Variants in CHST11 observed in about 807,000 individuals in gnomAD.
CHST11 encodes the protein carbohydrate sulfotransferase 11.
In CHST11, 9 loss-of-function variants were observed where a neutral mutation model predicts 30.4. That is an observed-to-expected ratio of 0.30 (90% CI 0.18 to 0.52). CHST11 has a LOEUF of 0.52. Among genes scored for constraint, CHST11 ranks in the 20% least tolerant of loss-of-function variants. CHST11 has a pLI of 0.97. For missense variants in CHST11, 348 were observed against 460.6 expected (o/e 0.76, Z 2.24); for synonymous variants, 152 against 187.8 (o/e 0.81, Z 1.56).
chr12:104,546,959 TTGCAG>T (rs1227508561), intron 1 of CHST11, among the ~76,000 whole-genome samples: 1 of 152,216 alleles, frequency 6.6e-6, no homozygotes, highest in Non-Finnish European at 1.5e-5. Context: ...AAGACTGTCT[TTGCAG>T]TGCAGGATTT....
chr12:104,480,188 G>C (rs181308360), intron 1 of CHST11, among the ~76,000 whole-genome samples: 2 of 152,218 alleles, frequency 1.3e-5, no homozygotes, highest in African/African-American at 4.8e-5. Context: ...GCACTGAGTT[G>C]ATAGTGTCCC....
intron 1 of CHST11, among the ~76,000 whole-genome samples, chr12:104,558,696 G>A (rs756031998): frequency 3.3e-5 from 5 of 151,744 alleles, no homozygotes; most frequent in African/African-American, 4.8e-5. Flanking sequence ...GTGCCACCAC[G>A]CCCAGCTAAT....
At chr12:104,544,162 G>GA (rs1410590735) in intron 1 of CHST11, among the ~76,000 whole-genome samples, 3 of 32,030 alleles carry the variant, frequency 9.4e-5, no homozygotes, top group African/African-American at 2.2e-4. Flanking sequence ...AAGAAAGAAA[G>GA]AAAGAAAGAA....
chr12:104,523,609 A>AG (rs2038094810), intron 1 of CHST11, among the ~76,000 whole-genome samples: 2 of 152,204 alleles, frequency 1.3e-5, no homozygotes, highest in African/African-American at 4.8e-5. Context: ...TGTGAAATGG[A>AG]GTGCTCACAT....
At chr12:104,469,275 T>C (rs17035643) in intron 1 of CHST11, among the ~76,000 whole-genome samples, 4,795 of 152,318 alleles carry the variant, frequency 0.031, 236 homozygotes, top group African/African-American at 0.11. Context: ...AGGCCAAAAC[T>C]GTGTAGCAAT....
At chr12:104,476,193 AAC>A (rs1358239800) in intron 1 of CHST11, among the ~76,000 whole-genome samples, 6 of 143,554 alleles carry the variant, frequency 4.2e-5, no homozygotes, top group African/African-American at 1.3e-4. Flanking sequence ...AATTATAATA[AAC>A]ACATGCAAAA....
chr12:104,577,021 G>A (rs1188088489), intron 1 of CHST11, among the ~76,000 whole-genome samples: 1 of 143,000 alleles, frequency 7.0e-6, no homozygotes, highest in Non-Finnish European at 1.5e-5. Context: ...CTGGACCTCG[G>A]TACTAAGACT....
chr12:104,528,716 CT>C (rs1323506144), intron 1 of CHST11, among the ~76,000 whole-genome samples: 1 of 152,154 alleles, frequency 6.6e-6, no homozygotes, highest in Non-Finnish European at 1.5e-5. Flanking sequence ...TTTAAATTCA[CT>C]TTTTGCTCTA....
intron 1 of CHST11, among the ~76,000 whole-genome samples, chr12:104,531,479 A>AAAAAAAG (rs1167716012): frequency 8.3e-5 from 12 of 145,360 alleles, no homozygotes; most frequent in African/African-American, 2.8e-4. Context: ...AAAAAAAAAA[A>AAAAAAAG]AGAGAGAGAG....
chr12:104,718,400 C>T (rs1057466294), intron 2 of CHST11, among the ~76,000 whole-genome samples: 4 of 152,156 alleles, frequency 2.6e-5, no homozygotes, highest in South Asian at 2.1e-4. Context: ...CAGGTGAGGA[C>T]GGAATTTCGT....
chr12:104,691,566 C>T (rs2039896968), intron 2 of CHST11, among the ~76,000 whole-genome samples: 1 of 150,840 alleles, frequency 6.6e-6, no homozygotes, highest in Non-Finnish European at 1.5e-5. Context: ...CGGCTCACTG[C>T]AACCTCCAAC....
intron 1 of CHST11, among the ~76,000 whole-genome samples, chr12:104,555,901 G>A (rs1228147358): frequency 6.6e-6 from 1 of 152,254 alleles, no homozygotes; most frequent in Non-Finnish European, 1.5e-5. Flanking sequence ...TCCGGGCAGG[G>A]AGTCCAGGTG....
intron 2 of CHST11, among the ~76,000 whole-genome samples, chr12:104,699,268 C>T (rs1330364839): frequency 6.6e-6 from 1 of 152,174 alleles, no homozygotes; most frequent in Non-Finnish European, 1.5e-5. Flanking sequence ...CGTGTGGTGA[C>T]TGAGCTCTAG....
At chr12:104,542,777 C>A (rs144379860) in intron 1 of CHST11, among the ~76,000 whole-genome samples, 1 of 152,170 alleles carries the variant, frequency 6.6e-6, no homozygotes, top group Non-Finnish European at 1.5e-5. Flanking sequence ...GCTTCGTTAC[C>A]TCTTCAAAAC....
chr12:104,658,372 G>C (rs1197008182), intron 2 of CHST11, among the ~76,000 whole-genome samples: 6 of 152,204 alleles, frequency 3.9e-5, no homozygotes, highest in Non-Finnish European at 7.3e-5. Context: ...GTCTCCTTGT[G>C]TCTCTGTGCA....
intron 2 of CHST11, among the ~76,000 whole-genome samples, chr12:104,629,866 A>G (rs2039255139): frequency 6.6e-6 from 1 of 152,190 alleles, no homozygotes; most frequent in South Asian, 2.1e-4. Context: ...TAACCTATGA[A>G]ACATCACAGC....
intron 1 of CHST11, among the ~76,000 whole-genome samples, chr12:104,477,112 A>C (rs2037570470): frequency 1.3e-5 from 2 of 152,138 alleles, no homozygotes; most frequent in African/African-American, 4.8e-5. Context: ...CCATACCCTC[A>C]GTGCCTGTCC....
chr12:104,567,877 T>C (rs2038583180), intron 1 of CHST11, among the ~76,000 whole-genome samples: 1 of 152,200 alleles, frequency 6.6e-6, no homozygotes, highest in African/African-American at 2.4e-5. Context: ...CCCTCTGCCA[T>C]GTGAAGACAC....
At chr12:104,587,406 T>C (rs1358221212) in intron 1 of CHST11, among the ~76,000 whole-genome samples, 1 of 152,238 alleles carries the variant, frequency 6.6e-6, no homozygotes, top group African/African-American at 2.4e-5. Flanking sequence ...TTCATTTGTT[T>C]ATTTATTTTG....
Sources: gnomAD v4.1 joint callset for allele counts (sites outside exome capture counted in the v4.1 genomes callset) on GRCh38, gnomAD v4.1.1 for gene constraint, MANE v1.5 for transcripts, NCBI Gene and HGNC (gene_info 2026-07-23, HGNC 2026-07-21) for gene names.